The following AHNAK variants were observed in gnomAD, a reference collection of about 807,000 sequenced individuals.
The protein encoded by AHNAK is AHNAK nucleoprotein, also known as neuroblast differentiation-associated protein AHNAK.
In AHNAK, 23 loss-of-function variants were observed where a neutral mutation model predicts 37.8. The ratio of observed to expected loss-of-function variants is 0.61; its 90% CI spans 0.44 to 0.86. The LOEUF (loss-of-function observed/expected upper bound fraction) is 0.86. AHNAK is among the 40% of genes least tolerant of loss of function. AHNAK has a pLI of 0.00. For missense variants in AHNAK, 7,411 were observed against 7,319.4 expected, an observed-to-expected ratio of 1.01 and a Z score of -0.46; for synonymous variants, 2,481 against 2,636.3, an observed-to-expected ratio of 0.94 and a Z score of 1.80.
intron 4 of AHNAK, among the ~76,000 whole-genome samples, chr11:62,503,069 C>G (rs182656913): frequency 2.0e-5 from 3 of 152,308 alleles, no homozygotes; most frequent in African/African-American, 7.2e-5. Flanking sequence ...CTCCATATTC[C>G]GTGAGAGTTC....
At chr11:62,489,910 G>A (rs914820353) in intron 5 of AHNAK, among the ~76,000 whole-genome samples, 2 of 152,040 alleles carry the variant, frequency 1.3e-5, no homozygotes, top group Non-Finnish European at 2.9e-5. Flanking sequence ...ACATGAAGGC[G>A]ATATCACCAA....
In AHNAK at chr11:62,527,599, T is replaced by C. The variant is rs760459603; in HGVS notation, c.6818A>G (p.Asp2273Gly). Reference protein sequence around the residue: ...VDVNLPKADVDVSGPKVDVEV... With the variant: ...VDVNLPKADVGVSGPKVDVEV... The stretch of plus-strand genomic sequence containing the variant: ...AACATCCACCTTGGGTCCTGAGACA[T>C]CAACGTCAGCCTTGGGCAAGTTCAC... Residue 2273 changes from aspartate (D) to glycine (G), a missense_variant, in exon 5 of 5, where the codon GAT becomes GGT. Coordinates refer to ENST00000378024, the MANE Select transcript of AHNAK (RefSeq NM_001620.3). The C allele has an allele frequency of 8.7e-6, 14 of 1,613,346 alleles. No individual in the cohort carries two copies. Among genetic ancestry groups the C allele is most frequent in the Non-Finnish European group, 1.0e-5 (12 of 1,179,804 alleles).
Position 62,533,454 on chromosome 11 carries a change from C to T in AHNAK, c.963G>A (p.Glu321=). ...TCAGCCCTGCCTTTGGTGTCTGGCC[C>T]TCACGCCCTGTTGAGACACCAAATT... The part of the protein sequence containing the change: ...VPKFGVSTGR[E]GQTPKAGLRV... The change falls in exon 5 of 5, where the codon GAG becomes GAA. Residue 321 remains glutamate, a synonymous_variant. Coordinates refer to ENST00000378024, the MANE Select transcript of AHNAK (RefSeq NM_001620.3). 1 of 1,614,108 alleles carries T rather than the reference C, an allele frequency of 6.2e-7. No individual in the cohort carries two copies.
At chr11:62,462,942 T>C (rs113711862) in intron 5 of AHNAK, among the ~76,000 whole-genome samples, 16,975 of 151,796 alleles carry the variant, frequency 0.11, 1,520 homozygotes, top group African/African-American at 0.25. Context: ...ACCAGCCTGG[T>C]CAACATGGAG....
Position 62,532,990 on chromosome 11 carries a change from G to A in AHNAK, c.1427C>T (p.Thr476Ile), listed in dbSNP as rs746864250. Residue 476 changes from threonine (T) to isoleucine (I), a missense_variant, in exon 5 of 5, where the codon ACT becomes ATT. Transcript: ENST00000378024. ...SGDVSLPEIA[T>I]GGLEGKMKGT... The stretch of plus-strand genomic sequence containing the variant: ...TTTCATCTTTCCTTCCAGCCCACCA[G>A]TAGCAATCTCAGGCAGGCTGACATC... 5.0e-6 allele frequency: 8 copies of A among 1,614,120 alleles called. No homozygotes were observed. The South Asian group carries it at 8.8e-5, about 18-fold the overall frequency.
chr11:62,462,158 G>T (rs919997615), intron 5 of AHNAK, among the ~76,000 whole-genome samples: 3 of 152,110 alleles, frequency 2.0e-5, no homozygotes, highest in East Asian at 1.9e-4. Context: ...AACTCCTCTT[G>T]TCAGCGTCTT....
rs772492957 is a variant in AHNAK at position 62,531,517 on chromosome 11, G to C, written c.2900C>G (p.Thr967Arg). 2 of 1,614,180 alleles carry C rather than the reference G, an allele frequency of 1.2e-6. No homozygotes were observed. Among genetic ancestry groups the C allele is most frequent in the Non-Finnish European group, 1.7e-6 (2 of 1,180,030 alleles). The change falls in exon 5 of 5, where the codon ACA becomes AGA. Residue 967 changes from threonine (T) to arginine (R), a missense_variant. Transcript: ENST00000378024. ...GPKVKGEYDMTVPKLEGDLKG... is the reference protein window; with the variant it reads ...GPKVKGEYDMRVPKLEGDLKG... ...CAGGTCCCCTTCCAGCTTTGGCACT[G>C]TCATATCATATTCTCCCTTTACTTT...
At chr11:62,435,749 T>C (rs1323922456) in intron 5 of AHNAK, among the ~76,000 whole-genome samples, 1 of 152,152 alleles carries the variant, frequency 6.6e-6, no homozygotes, top group East Asian at 1.9e-4. Context: ...GGTCTTACTA[T>C]ATTGCTCAGG....
intron 5 of AHNAK, among the ~76,000 whole-genome samples, chr11:62,448,349 A>C (rs1273278404): frequency 6.6e-6 from 1 of 152,214 alleles, no homozygotes; most frequent in Non-Finnish European, 1.5e-5. Context: ...AGCTGGATGG[A>C]AGAGGAAAGA....
chr11:62,511,023 G>A (rs776773940), downstream of AHNAK, among the ~76,000 whole-genome samples: 4 of 152,188 alleles, frequency 2.6e-5, no homozygotes, highest in Admixed American at 1.3e-4. Context: ...GTGGCACTCT[G>A]AAGCAGGACA....
chr11:62,459,414 G>A (rs548025499), intron 5 of AHNAK, among the ~76,000 whole-genome samples: 3 of 152,212 alleles, frequency 2.0e-5, no homozygotes, highest in South Asian at 2.1e-4. Flanking sequence ...CCCTGGGGAC[G>A]AGGAAGTCAT....
intron 5 of AHNAK, among the ~76,000 whole-genome samples, chr11:62,476,958 T>G (rs185963678): frequency 6.6e-6 from 1 of 152,286 alleles, no homozygotes; most frequent in African/African-American, 2.4e-5. Flanking sequence ...GCAGCCGGCA[T>G]TGGTTGCAGA....
Position 62,531,780 on chromosome 11 carries a change from C to A in AHNAK, c.2637G>T (p.Lys879Asn). Reference protein sequence around the residue: ...QGPDWHLKMPKMKMPKFSMPG... With the variant: ...QGPDWHLKMPNMKMPKFSMPG... ...GCATGCTGAACTTGGGCATTTTCATCTTGGGCATCTTCAGGTGCCAGTCTG... is the reference window on the plus strand; with the variant it reads ...GCATGCTGAACTTGGGCATTTTCATATTGGGCATCTTCAGGTGCCAGTCTG... The change falls in exon 5 of 5, where the codon AAG (lysine) becomes AAT (asparagine). Residue 879 changes from lysine (K) to asparagine (N), a missense_variant. Lys to Asn is a moderately conservative substitution (Grantham distance 94). Transcript: ENST00000378024. 6.2e-7 allele frequency: 1 copy of A among 1,613,556 alleles called. No homozygotes were observed. Among genetic ancestry groups the A allele is most frequent in the Non-Finnish European group, 8.5e-7 (1 of 1,179,938 alleles).
intron 4 of AHNAK, among the ~76,000 whole-genome samples, chr11:62,497,622 C>G (rs777409822): frequency 2.6e-5 from 4 of 152,174 alleles, no homozygotes; most frequent in African/African-American, 4.8e-5. Context: ...CTCACAATTT[C>G]CTGTCCAAGA....
rs749892054 is a variant in AHNAK at position 62,518,159 on chromosome 11, A to C, written c.16258T>G (p.Leu5420Val). 1 of 1,614,040 alleles carries C rather than the reference A, an allele frequency of 6.2e-7. No individual in the cohort carries two copies. Among genetic ancestry groups the C allele is most frequent in the African/African-American group, 1.3e-5 (1 of 74,910 alleles). Residue 5420 changes from leucine (L) to valine (V), a missense_variant, in exon 5 of 5, where the codon TTG becomes GTG. Coordinates refer to ENST00000378024, the MANE Select transcript of AHNAK (RefSeq NM_001620.3). The stretch of plus-strand genomic sequence containing the variant: ...TGTGGCCCCTTGGCATTGACGTGCA[A>C]GTCGGACCCCGGAGTAGAGATGCCA... Reference protein sequence around the residue: ...QFGISTPGSDLHVNAKGPQVS... With the variant: ...QFGISTPGSDVHVNAKGPQVS...
chr11:62,503,588 A>G (rs1452838410), intron 4 of AHNAK, among the ~76,000 whole-genome samples: 2 of 151,888 alleles, frequency 1.3e-5, no homozygotes, highest in Non-Finnish European at 2.9e-5. Flanking sequence ...ATCTCAAAAA[A>G]AAAAAAGAAA....
In AHNAK at chr11:62,528,840, A is replaced by T; in HGVS notation, c.5577T>A (p.Asp1859Glu). 6.2e-7 allele frequency: 1 copy of T among 1,613,146 alleles called. No individual in the cohort carries two copies. The highest frequency in any genetic ancestry group is 1.6e-4 in the Middle Eastern group (1 of 6,062). Residue 1859 changes from aspartate (D) to glutamate (E), a missense_variant, in exon 5 of 5, where the codon GAT (aspartate) becomes GAA (glutamate). Coordinates refer to ENST00000378024, the MANE Select transcript of AHNAK (RefSeq NM_001620.3). ...TGGGGCCTTTCAGGTGTAAGTCCACATCAGGCATGGAGATCTTGGGGGCCT... is the reference window on the plus strand; with the variant it reads ...TGGGGCCTTTCAGGTGTAAGTCCACTTCAGGCATGGAGATCTTGGGGGCCT... Reference protein sequence around the residue: ...HFKAPKISMPDVDLHLKGPKV... With the variant: ...HFKAPKISMPEVDLHLKGPKV...
intron 5 of AHNAK, among the ~76,000 whole-genome samples, chr11:62,434,702 C>T (rs927684217): frequency 2.6e-5 from 4 of 152,118 alleles, no homozygotes; most frequent in East Asian, 1.9e-4. Flanking sequence ...CCGAGGCAGG[C>T]GGACCTCCTA....
intron 5 of AHNAK, among the ~76,000 whole-genome samples, chr11:62,449,970 C>T (rs980060662): frequency 1.3e-5 from 2 of 152,070 alleles, no homozygotes; most frequent in Non-Finnish European, 1.5e-5. Context: ...GGAGGCAGAG[C>T]GCAGTGGTTC....
Sources: gnomAD v4.1 joint callset for allele counts (sites outside exome capture counted in the v4.1 genomes callset) on GRCh38, gnomAD v4.1.1 for gene constraint, MANE v1.5 for transcripts, NCBI Gene and HGNC (gene_info 2026-07-23, HGNC 2026-07-21) for gene names.